ARHGAP33: variants seen among roughly 807,000 people sequenced by gnomAD.
ARHGAP33 encodes rho GTPase-activating protein 33.
Under a neutral mutation model 126.2 loss-of-function variants are expected in ARHGAP33, and 57 were observed. The observed-to-expected ratio is 0.45, with a 90% CI of 0.36 to 0.56. The LOEUF is 0.56. ARHGAP33 is among the 20% of genes least tolerant of loss of function. The probability of loss-of-function intolerance (pLI) is 0.00; values close to 1 mark genes in which losing one functional copy is unlikely to be tolerated. For missense variants in ARHGAP33, 1,500 were observed against 1,748.3 expected (o/e 0.86, Z 2.53); for synonymous variants, 711 against 755.0 (o/e 0.94, Z 0.95).
Position 35,786,297 on chromosome 19 carries a change from G to A in ARHGAP33, c.1943-116G>A. 1 of 1,437,218 alleles carries A rather than the reference G, an allele frequency of 7.0e-7. No homozygotes were observed. The highest frequency in any genetic ancestry group is 9.1e-7 in the Non-Finnish European group (1 of 1,100,070). 89.0% of individuals were successfully genotyped at this position (1,437,218 alleles called of 1,614,324 possible). ...ACTGTCAATCTGAACAGCTCTTCCT[G>A]GCTTCACACTACTGTGGCCCTCTCC... On this transcript the variant is annotated intron_variant, in intron 19 of 20. Coordinates refer to ENST00000007510, the MANE Select transcript of ARHGAP33 (RefSeq NM_001366178.1). The surrounding 1 kb of genome is among the most constrained non-coding windows in gnomAD (Gnocchi z 7.0).
In ARHGAP33 at chr19:35,787,591, G is replaced by T; in HGVS notation, c.3026G>T (p.Gly1009Val). Reference protein sequence around the residue: ...VSAQLRAGGGGRDAPEAAAQS... With the variant: ...VSAQLRAGGGVRDAPEAAAQS... ...GCCCAGCTCAGGGCAGGTGGCGGGG[G>T]CAGGGATGCGCCAGAGGCAGCAGCC... The change falls in exon 21 of 21, where the codon GGC (glycine) becomes GTC (valine). Residue 1009 changes from glycine to valine, a missense_variant. Physicochemically the swap from Gly to Val is moderately radical, Grantham distance 109. Coordinates refer to ENST00000007510, the MANE Select transcript of ARHGAP33 (RefSeq NM_001366178.1). 6.2e-7 allele frequency: 1 copy of T among 1,606,690 alleles called. No homozygotes were observed. The highest frequency in any genetic ancestry group is 8.5e-7 in the Non-Finnish European group (1 of 1,177,816).
Position 35,781,167 on chromosome 19 carries a change from T to C in ARHGAP33, c.1000T>C (p.Cys334Arg). 2 of 1,602,250 alleles carry C rather than the reference T, an allele frequency of 1.2e-6. No individual in the cohort carries two copies. Among genetic ancestry groups the C allele is most frequent in the East Asian group, 2.3e-5 (1 of 43,792 alleles). Residue 334 changes from cysteine to arginine, a missense_variant, in exon 12 of 21, where the codon TGC (cysteine) becomes CGC (arginine). Physicochemically the swap from Cys to Arg is radical, Grantham distance 180. This residue lies in a region of ARHGAP33 where 281 missense variants were observed against 413.7 expected (regional missense o/e 0.68). Coordinates refer to ENST00000007510, the MANE Select transcript of ARHGAP33 (RefSeq NM_001366178.1). ...SGQDVPQVLRCCSEFIEAHGV... is the reference protein window; with the variant it reads ...SGQDVPQVLRRCSEFIEAHGV... ...TCTCCCAGTGCCCCAGGTGCTGCGC[T>C]GCTGCTCCGAGTTCATTGAGGCCCA...
chr19:35,784,403 T>C, intron 16 of ARHGAP33, 86 bp downstream of exon 16: 1 of 1,446,604 alleles, frequency 6.9e-7, no homozygotes, highest in East Asian at 2.7e-5. Context: ...CCCAGTCCCG[T>C]CCCCACCCCA....
chr19:35,785,140 T>TGGA, intron 17 of ARHGAP33, 34 bp downstream of exon 17: 2 of 1,576,508 alleles, frequency 1.3e-6, no homozygotes, highest in Non-Finnish European at 1.7e-6. Flanking sequence ...GAGGGGCAGG[T>TGGA]GGAGGCCTGG....
In ARHGAP33 at chr19:35,777,853, G is replaced by A. The variant is rs773138268; in HGVS notation, c.134G>A (p.Arg45Gln). Reference sequence around the variant, plus strand: ...TCAGCTCCTCGAGGCCCCTTCCCGCGGCTGGCTGACTGCGCCCATTTCCAC... The same window carrying A: ...TCAGCTCCTCGAGGCCCCTTCCCGCAGCTGGCTGACTGCGCCCATTTCCAC... ...RLSAPRGPFP[R>Q]LADCAHFHYE... The change falls in exon 3 of 21, where the codon CGG becomes CAG. Residue 45 changes from arginine (R) to glutamine (Q), a missense_variant. By Grantham distance (43) the Arg-to-Gln change is conservative. Coordinates refer to ENST00000007510, the MANE Select transcript of ARHGAP33 (RefSeq NM_001366178.1). 5.0e-6 allele frequency: 8 copies of A among 1,614,090 alleles called. No individual in the cohort carries two copies. The highest frequency in any genetic ancestry group is 2.2e-5 in the East Asian group (1 of 44,896).
chr19:35,788,522 A>C lies in ARHGAP33; in HGVS notation c.*93A>C. The C allele has an allele frequency of 8.6e-7, 1 of 1,157,524 alleles. No individual in the cohort carries two copies. Among genetic ancestry groups the C allele is most frequent in the African/African-American group, 1.6e-5 (1 of 62,346 alleles). The allele number at this position is 1,157,524 out of a possible 1,614,324, so 71.7% of individuals were successfully genotyped here. A position where few individuals can be genotyped will look rare whatever the true frequency, so the allele number is the denominator to read the frequency against. On this transcript the variant is annotated 3_prime_UTR_variant, in exon 21 of 21. Coordinates refer to ENST00000007510, the MANE Select transcript of ARHGAP33 (RefSeq NM_001366178.1). ...TTGTTTTGTATTTTCTTGAACCCCG[A>C]CCACTACCCCAGGTTTCTAACTTTG...
In ARHGAP33 at chr19:35,786,553, T is replaced by G; in HGVS notation, c.2083T>G (p.Ser695Ala). The change falls in exon 20 of 21, where the codon TCC (serine) becomes GCC (alanine). Residue 695 changes from serine to alanine, a missense_variant. Physicochemically the swap from Ser to Ala is moderately conservative, Grantham distance 99. Transcript: ENST00000007510. This position sits in a 1 kb window ranked among gnomAD's most constrained non-coding sequence, Gnocchi z 7.0. ...CTCCTCCTCTGAGTCCTCCTCTTCC[T>G]CCTCTGAGTCCTCAGCAGCTGGGCT... ...ESSSSESSSS[S>A]SESSAAGLGA... 6.5e-7 allele frequency: 1 copy of G among 1,536,048 alleles called. No individual in the cohort carries two copies. Among genetic ancestry groups the G allele is most frequent in the Non-Finnish European group, 8.7e-7 (1 of 1,146,834 alleles).
intron 1 of ARHGAP33, among the ~76,000 whole-genome samples, chr19:35,777,040 T>C (rs1485170941): frequency 6.6e-6 from 1 of 151,950 alleles, no homozygotes; most frequent in Non-Finnish European, 1.5e-5. Context: ...AGAGGGTGCT[T>C]TTTTTGGACT....
chr19:35,787,853 C>T lies in ARHGAP33; in HGVS notation c.3288C>T (p.Pro1096=), dbSNP rs554040009. The T allele has an allele frequency of 2.1e-4, 342 of 1,609,286 alleles. 1 individual carries two copies. In the Middle Eastern group the frequency reaches 2.8e-3, roughly 13 times the overall value. ...AGATCGGGGCAAGTGAGGGGTCCCC[C>T]TATTCTGGCCCCACCCGCTCCTGGA... ...YYEIGASEGS[P]YSGPTRSWSP... Residue 1096 remains proline, a synonymous_variant, in exon 21 of 21, where the codon CCC becomes CCT. Transcript: ENST00000007510.
intron 5 of ARHGAP33, 150 bp from the exon 6 acceptor site, chr19:35,778,882 T>G (rs1971595730): frequency 3.9e-6 from 3 of 760,120 alleles, no homozygotes; most frequent in Non-Finnish European, 6.5e-6. Flanking sequence ...GCTTATTCAT[T>G]CATATGCCCA....
intron 5 of ARHGAP33, 185 bp from the exon 6 acceptor site, chr19:35,778,847 G>A: frequency 1.3e-6 from 1 of 770,188 alleles, no homozygotes; most frequent in Non-Finnish European, 2.1e-6. Context: ...TGCCAACCAG[G>A]GTACTCAAGA....
Position 35,788,575 on chromosome 19 carries a change from C to T in ARHGAP33, c.*146C>T, listed in dbSNP as rs1021933833. 1.4e-6 allele frequency: 1 copy of T among 695,770 alleles called. No individual in the cohort carries two copies. Among genetic ancestry groups the T allele is most frequent in the Non-Finnish European group, 2.3e-6 (1 of 442,972 alleles). The allele number at this position is 695,770 out of a possible 1,614,324, so 43.1% of individuals were successfully genotyped here. ...ACTTGCTTCTGATGTGGGTCCCTAA[C>T]CTATAATCTCAGCTTCCCTACCCTG... On this transcript the variant is annotated 3_prime_UTR_variant, in exon 21 of 21. Transcript: ENST00000007510.
rs769908702 is a variant in ARHGAP33 at position 35,785,079 on chromosome 19, C to T, written c.1694C>T (p.Pro565Leu). Residue 565 changes from proline (P) to leucine (L), a missense_variant, in exon 17 of 21, where the codon CCC becomes CTC. By Grantham distance (98) the Pro-to-Leu change is moderately conservative. Coordinates refer to ENST00000007510, the MANE Select transcript of ARHGAP33 (RefSeq NM_001366178.1). ...RLGTPTEPTT[P>L]KAPASPAERR... ...GGGACGCCCACGGAGCCCACAACTC[C>T]CAAGGCCCCGGCCTCACCTGCGGAA... The T allele has an allele frequency of 6.4e-7, 1 of 1,572,580 alleles. No homozygotes were observed. Among genetic ancestry groups the T allele is most frequent in the African/African-American group, 1.3e-5 (1 of 74,222 alleles).
At position 35,780,821 on chromosome 19, in the gene ARHGAP33, T is replaced by C. The variant is rs780247702; in HGVS notation, c.829+5T>C. 1.2e-6 allele frequency: 2 copies of C among 1,613,860 alleles called. No individual in the cohort carries two copies. The highest frequency in any genetic ancestry group is 1.7e-6 in the Non-Finnish European group (2 of 1,179,960). On this transcript the variant is annotated splice_donor_5th_base_variant and intron_variant, in intron 10 of 20. Transcript: ENST00000007510. ...GTATCTCGTCTCTGACCTCAGGTAATAGAAATAGGCGGTCAGGTCCCAGCC... is the reference window on the plus strand; with the variant it reads ...GTATCTCGTCTCTGACCTCAGGTAACAGAAATAGGCGGTCAGGTCCCAGCC...
chr19:35,780,006 G>A, intron 6 of ARHGAP33: 1 of 739,502 alleles, frequency 1.4e-6, no homozygotes, highest in Non-Finnish European at 2.4e-6. Flanking sequence ...AAATAAAGGG[G>A]TTTTTCTTAG....
rs1972121715 is a variant in ARHGAP33, at chr19:35,786,578, T to C, written c.2108T>C (p.Leu703Pro). 6.5e-7 allele frequency: 1 copy of C among 1,535,898 alleles called. No homozygotes were observed. Among genetic ancestry groups the C allele is most frequent in the African/African-American group, 1.4e-5 (1 of 72,998 alleles). ...SSSSESSAAG[L>P]GALSGSPSHR... ...TCCTCTGAGTCCTCAGCAGCTGGGCTGGGGGCACTCTCTGGGTCTCCCTCA... is the reference window on the plus strand; with the variant it reads ...TCCTCTGAGTCCTCAGCAGCTGGGCCGGGGGCACTCTCTGGGTCTCCCTCA... Residue 703 changes from leucine to proline, a missense_variant, in exon 20 of 21, where the codon CTG becomes CCG. Around this residue, in one of 6 missense-constraint regions of ARHGAP33, gnomAD observed 300 missense variants for 291.1 expected, o/e 1.03. Transcript: ENST00000007510. The surrounding 1 kb of genome is among the most constrained non-coding windows in gnomAD (Gnocchi z 7.0).
Position 35,782,362 on chromosome 19 carries a change from G to C in ARHGAP33, c.1086-11G>C, listed in dbSNP as rs752192893. 1.3e-6 allele frequency: 2 copies of C among 1,596,034 alleles called. No individual in the cohort carries two copies. The highest frequency in any genetic ancestry group is 1.1e-5 in the South Asian group (1 of 90,436). ...CCTGGATCTTCCTCCTCCTTGACAC[G>C]GTGGTCTCAGGCACGAGTTTGACAG... On this transcript the variant is annotated splice_polypyrimidine_tract_variant and intron_variant, in intron 12 of 20. Coordinates refer to ENST00000007510, the MANE Select transcript of ARHGAP33 (RefSeq NM_001366178.1). This position sits in a 1 kb window ranked among gnomAD's most constrained non-coding sequence, Gnocchi z 4.1.
In ARHGAP33 at chr19:35,786,810, G is replaced by A. The variant is rs776039650; in HGVS notation, c.2340G>A (p.Ser780=). 142 of 1,514,820 alleles carry A rather than the reference G, an allele frequency of 9.4e-5. No individual in the cohort carries two copies. Among genetic ancestry groups the A allele is most frequent in the Non-Finnish European group, 1.2e-4 (132 of 1,135,672 alleles). 93.8% of individuals were successfully genotyped at this position (1,514,820 alleles called of 1,614,324 possible). A position where few individuals can be genotyped will look rare whatever the true frequency, so the allele number is the denominator to read the frequency against. The change falls in exon 20 of 21, where the codon TCG becomes TCA. Residue 780 remains serine (S), a synonymous_variant. Coordinates refer to ENST00000007510, the MANE Select transcript of ARHGAP33 (RefSeq NM_001366178.1). The surrounding 1 kb of genome is among the most constrained non-coding windows in gnomAD (Gnocchi z 7.0). ...CCAGGGTGACCCCCCAGGCCATCTC[G>A]CCCCGGGGGCCCACCAGCCCCGCCT... is the stretch of plus-strand genomic sequence containing the variant. The part of the protein sequence containing the change: ...FPPRVTPQAI[S]PRGPTSPASP...
Position 35,778,486 on chromosome 19 carries a change from G to A in ARHGAP33, c.293G>A (p.Arg98Gln). Residue 98 changes from arginine to glutamine, a missense_variant, in exon 5 of 21, where the codon CGG (arginine) becomes CAG (glutamine). Arg to Gln is a conservative substitution (Grantham distance 43). Transcript: ENST00000007510. ...TCQGRSWPVL[R>Q]SYDDFRSLDA... is the part of the protein sequence containing the mutation. ...CAGGGCCGTTCCTGGCCGGTTCTCC[G>A]GAGTTACGATGACTTTCGTTCCCTG... 5 of 1,614,132 alleles carry A rather than the reference G, an allele frequency of 3.1e-6. No homozygotes were observed. Among genetic ancestry groups the A allele is most frequent in the East Asian group, 2.2e-5 (1 of 44,888 alleles).
Sources: gnomAD v4.1 joint callset for allele counts (sites outside exome capture counted in the v4.1 genomes callset) on GRCh38, gnomAD v4.1.1 for gene constraint, gnomAD v4.1.1 regional missense constraint, Gnocchi (gnomAD v3.1) non-coding constraint, MANE v1.5 for transcripts, NCBI Gene and HGNC (gene_info 2026-07-23, HGNC 2026-07-21) for gene names.